Variants in GRIK4 observed in about 807,000 individuals in gnomAD.
GRIK4 encodes the protein glutamate ionotropic receptor kainate type subunit 4, also known as glutamate receptor ionotropic, kainate 4.
In GRIK4, 40 loss-of-function variants were observed where a neutral mutation model predicts 104.9. That is an observed-to-expected ratio of 0.38 (90% CI 0.30 to 0.50). GRIK4 has a LOEUF of 0.50. GRIK4 is among the 20% of genes least tolerant of loss of function. GRIK4 has a pLI of 0.93. For missense variants in GRIK4, 1,047 were observed against 1,308.1 expected (o/e 0.80, Z 3.08); for synonymous variants, 485 against 524.9 (o/e 0.92, Z 1.04).
At position 120,874,227 on chromosome 11, in the gene GRIK4, C is replaced by A. The variant is rs775656824; in HGVS notation, c.1059+9C>A. 1 of 1,606,154 alleles carries A rather than the reference C, an allele frequency of 6.2e-7. No homozygotes were observed. On this transcript the variant is annotated intron_variant, in intron 10 of 20. Transcript: ENST00000527524. ...TGAACTACCTGCGCATGGTGAGGAG[C>A]GGCTGAGGCCCTGCAGGGCTGTGCC...
At chr11:120,719,617 TC>T (rs1206428728) in intron 3 of GRIK4, among the ~76,000 whole-genome samples, 1 of 152,264 alleles carries the variant, frequency 6.6e-6, no homozygotes, top group East Asian at 1.9e-4. Flanking sequence ...GTCACTCCCT[TC>T]CCCTGACCCT....
chr11:120,591,719 G>A (rs765999265), intron 1 of GRIK4, among the ~76,000 whole-genome samples: 2 of 152,126 alleles, frequency 1.3e-5, no homozygotes, highest in African/African-American at 2.4e-5. Flanking sequence ...TTGTGTGTTT[G>A]CCTATGGATT....
chr11:120,807,787 T>C (rs552865447), intron 4 of GRIK4, among the ~76,000 whole-genome samples: 1 of 152,226 alleles, frequency 6.6e-6, no homozygotes, highest in Non-Finnish European at 1.5e-5. Context: ...ATGCATTGAA[T>C]TGCTGTACTT....
intron 3 of GRIK4, among the ~76,000 whole-genome samples, chr11:120,692,886 C>T (rs1350472362): frequency 6.6e-6 from 1 of 151,986 alleles, no homozygotes; most frequent in African/African-American, 2.4e-5. Flanking sequence ...CTCCCACCAC[C>T]ATGCCCAGCT....
At chr11:120,592,354 G>A (rs968315826) in intron 1 of GRIK4, among the ~76,000 whole-genome samples, 3 of 152,166 alleles carry the variant, frequency 2.0e-5, no homozygotes, top group Non-Finnish European at 4.4e-5. Flanking sequence ...GGAGATGGCC[G>A]CCGTCCTACG....
intron 1 of GRIK4, among the ~76,000 whole-genome samples, chr11:120,600,887 A>AT: frequency 1.3e-5 from 2 of 151,518 alleles, no homozygotes; most frequent in Non-Finnish European, 2.9e-5. Flanking sequence ...ACATACTGAG[A>AT]TCCCATCCCT....
intron 1 of GRIK4, among the ~76,000 whole-genome samples, chr11:120,564,174 G>T (rs1948276921): frequency 6.6e-6 from 1 of 152,178 alleles, no homozygotes; most frequent in South Asian, 2.1e-4. Flanking sequence ...CCACGTGCGC[G>T]CTAGGCCTTG....
intron 3 of GRIK4, among the ~76,000 whole-genome samples, chr11:120,785,033 G>C (rs567108254): frequency 6.6e-6 from 1 of 150,538 alleles, no homozygotes; most frequent in South Asian, 2.1e-4. Flanking sequence ...GTCTGCACTA[G>C]ACCTATGAAG....
intron 9 of GRIK4, chr11:120,872,740 T>A: frequency 5.3e-6 from 1 of 187,350 alleles, no homozygotes; most frequent in Admixed American, 5.1e-5. Context: ...CAATTGCACT[T>A]GCTAGGGTTT....
intron 1 of GRIK4, among the ~76,000 whole-genome samples, chr11:120,604,547 T>C (rs887999758): frequency 6.6e-5 from 10 of 152,214 alleles, no homozygotes; most frequent in Non-Finnish European, 1.5e-4. Context: ...GTCACAGTCA[T>C]CGCCCAGCAG....
At chr11:120,840,984 A>T (rs1234988163) in intron 8 of GRIK4, among the ~76,000 whole-genome samples, 1 of 152,204 alleles carries the variant, frequency 6.6e-6, no homozygotes, top group Non-Finnish European at 1.5e-5. Flanking sequence ...GTGGAATTAT[A>T]CAATATTTAT....
intron 13 of GRIK4, among the ~76,000 whole-genome samples, chr11:120,917,247 C>CAAAAAAAAAAAAAA (rs199620498): frequency 1.1e-4 from 4 of 34,786 alleles, no homozygotes; most frequent in Admixed American, 3.8e-4. Context: ...AACTCCGTCT[C>CAAAAAAAAAAAAAA]AAAAAAAAAA....
intron 3 of GRIK4, among the ~76,000 whole-genome samples, chr11:120,742,421 GA>G (rs201903215): frequency 6.7e-6 from 1 of 148,314 alleles, no homozygotes; most frequent in East Asian, 2.0e-4. Flanking sequence ...ACAAGCATAT[GA>G]AAAAAAAAGC....
chr11:120,688,015 T>C (rs1325981354), intron 3 of GRIK4, among the ~76,000 whole-genome samples: 1 of 152,210 alleles, frequency 6.6e-6, no homozygotes, highest in Non-Finnish European at 1.5e-5. Flanking sequence ...TCCTTAATTT[T>C]CTCTCTCTAG....
intron 1 of GRIK4, among the ~76,000 whole-genome samples, chr11:120,647,191 C>T (rs145534100): frequency 6.6e-6 from 1 of 152,308 alleles, no homozygotes; most frequent in South Asian, 2.1e-4. Flanking sequence ...TACGCTCCTA[C>T]CCAACGCATA....
intron 1 of GRIK4, among the ~76,000 whole-genome samples, chr11:120,527,135 G>A (rs1208304855): frequency 6.6e-6 from 1 of 152,248 alleles, no homozygotes; most frequent in African/African-American, 2.4e-5. Context: ...GGGGAACCTG[G>A]AGGATGCAAA....
intron 9 of GRIK4, among the ~76,000 whole-genome samples, chr11:120,862,645 C>G (rs1222656707): frequency 6.6e-6 from 1 of 152,138 alleles, no homozygotes; most frequent in East Asian, 1.9e-4. Context: ...CACGGCTCAT[C>G]CAGAATGGCT....
chr11:120,652,293 A>G (rs1949630898), intron 1 of GRIK4, among the ~76,000 whole-genome samples: 1 of 152,224 alleles, frequency 6.6e-6, no homozygotes, highest in Non-Finnish European at 1.5e-5. Context: ...CATTTTACAG[A>G]ATGAGAGACT....
chr11:120,693,223 G>C (rs1950394356), intron 3 of GRIK4, among the ~76,000 whole-genome samples: 1 of 151,888 alleles, frequency 6.6e-6, no homozygotes, highest in Admixed American at 6.6e-5. Context: ...TCCTGCCTCA[G>C]CCTCCTGAGC....
Sources: allele counts gnomAD v4.1 joint callset (sites outside exome capture counted in the v4.1 genomes callset), GRCh38; gene constraint gnomAD v4.1.1; transcripts MANE v1.5; gene names NCBI Gene and HGNC (gene_info 2026-07-23, HGNC 2026-07-21).